KIT: variants seen among roughly 807,000 people sequenced by gnomAD.
KIT encodes KIT proto-oncogene, receptor tyrosine kinase.
A neutral mutation model predicts 105.7 loss-of-function variants in KIT; 16 were observed. The observed-to-expected ratio is 0.15, with a 90% confidence interval of 0.10 to 0.23. The LOEUF (loss-of-function observed/expected upper bound fraction) is 0.23. Among genes scored for constraint, KIT ranks in the 10% least tolerant of loss-of-function variants. The probability of loss-of-function intolerance (pLI) is 1.00; values close to 1 mark genes in which losing one functional copy is unlikely to be tolerated. For synonymous variants in KIT, 438 were observed against 441.1 expected (o/e 0.99, Z 0.09); for missense variants, 858 against 1,213.8 (o/e 0.71, Z 4.36).
chr4:54,707,757 G>T (rs1022354937), intron 6 of KIT, among the ~76,000 whole-genome samples: 10 of 152,180 alleles, frequency 6.6e-5, no homozygotes, highest in Non-Finnish European at 1.3e-4. Flanking sequence ...AGTAGCAATA[G>T]TAATACTTCA....
intron 1 of KIT, among the ~76,000 whole-genome samples, chr4:54,688,870 A>C (rs992099265): frequency 6.6e-6 from 1 of 152,206 alleles, no homozygotes; most frequent in African/African-American, 2.4e-5. Flanking sequence ...CAAAACTAGA[A>C]TAGGCCTAAT....
In KIT at chr4:54,703,738, G is replaced by T. The variant is rs753318751; in HGVS notation, c.771G>T (p.Glu257Asp). 1.2e-6 allele frequency: 2 copies of T among 1,613,604 alleles called. No individual in the cohort carries two copies. Among genetic ancestry groups the T allele is most frequent in the Non-Finnish European group, 1.7e-6 (2 of 1,179,688 alleles). Residue 257 changes from glutamate (E) to aspartate (D), a missense_variant, in exon 5 of 21, where the codon GAG (glutamate) becomes GAT (aspartate). Physicochemically the swap from Glu to Asp is conservative, Grantham distance 45. This residue lies in a region of KIT where 401 missense variants were observed against 601.0 expected (regional missense o/e 0.67). Coordinates refer to ENST00000288135, the MANE Select transcript of KIT (RefSeq NM_000222.3). ...KRENSQTKLQEKYNSWHHGDF... is the reference protein window; with the variant it reads ...KRENSQTKLQDKYNSWHHGDF... ...GAAACCAGCAGACTAAACTACAGGA[G>T]AAATATAATAGCTGGCATCACGGTG...
At chr4:54,691,733 G>A (rs537823900) in intron 1 of KIT, among the ~76,000 whole-genome samples, 1 of 152,042 alleles carries the variant, frequency 6.6e-6, no homozygotes, top group Non-Finnish European at 1.5e-5. Context: ...TTTGAGGGAG[G>A]ATGAGTTGGG....
At position 54,729,498 on chromosome 4, in the gene KIT, T is replaced by G. The variant is rs376060189; in HGVS notation, c.2141+13T>G. 3.8e-5 allele frequency: 62 copies of G among 1,612,266 alleles called. No homozygotes were observed. The highest frequency in any genetic ancestry group is 5.0e-5 in the Non-Finnish European group (59 of 1,179,232). ...AGGAGTCTTCCTGGTAAGACTGATT[T>G]ACATAAATAGTTAGCTGTTGACAGG... On this transcript the variant is annotated intron_variant, in intron 14 of 20. Transcript: ENST00000288135.
At chr4:54,726,749 A>G (rs1024815016) in intron 9 of KIT, among the ~76,000 whole-genome samples, 2 of 150,574 alleles carry the variant, frequency 1.3e-5, no homozygotes, top group African/African-American at 4.9e-5. Context: ...CATGTTTTTC[A>G]GACAGGGCAA....
intron 1 of KIT, among the ~76,000 whole-genome samples, chr4:54,662,039 CTA>C (rs1717311168): frequency 6.6e-6 from 1 of 152,198 alleles, no homozygotes; most frequent in Non-Finnish European, 1.5e-5. Context: ...ATTAAACAAT[CTA>C]GAGATTTTTT....
At chr4:54,730,582 T>G (rs1414831524) in intron 14 of KIT, among the ~76,000 whole-genome samples, 1 of 152,124 alleles carries the variant, frequency 6.6e-6, no homozygotes, top group African/African-American at 2.4e-5. Context: ...TATGAAGAAA[T>G]GAGCCATTTT....
At position 54,739,724 on chromosome 4, in the gene KIT, A is replaced by G. The variant is rs1384977243; in HGVS notation, c.*1167A>G. On this transcript the variant is annotated 3_prime_UTR_variant, in exon 21 of 21. Coordinates refer to ENST00000288135, the MANE Select transcript of KIT (RefSeq NM_000222.3). ...GAGGGGTATTTTTGCCCTGAGTCCA[A>G]GAGGGTCCTTTAGTACCTGAAAAGT... 8.6e-6 allele frequency: 2 copies of G among 233,508 alleles called. No homozygotes were observed. The highest frequency in any genetic ancestry group is 1.2e-4 in the East Asian group (2 of 16,596). The allele number at this position is 233,508 out of a possible 1,614,324, so 14.5% of individuals were successfully genotyped here. A position where few individuals can be genotyped will look rare whatever the true frequency, so the allele number is the denominator to read the frequency against.
chr4:54,684,983 A>G (rs987394641), intron 1 of KIT, among the ~76,000 whole-genome samples: 2 of 152,144 alleles, frequency 1.3e-5, no homozygotes, highest in Non-Finnish European at 1.5e-5. Context: ...CTGAGGTTCT[A>G]GTGTCCATCT....
chr4:54,706,373 T>C (rs558516807), intron 5 of KIT, among the ~76,000 whole-genome samples: 5 of 152,268 alleles, frequency 3.3e-5, no homozygotes, highest in Admixed American at 2.0e-4. Flanking sequence ...TGAAAAGTGA[T>C]GTCTTATTTT....
At chr4:54,707,613 G>A (rs183297184) in intron 6 of KIT, among the ~76,000 whole-genome samples, 5 of 152,224 alleles carry the variant, frequency 3.3e-5, no homozygotes, top group African/African-American at 4.8e-5. Context: ...CAGAGAAAAA[G>A]GGAAGTTAGT....
At chr4:54,736,468 A>C (rs1477600140) in intron 17 of KIT, 30 bp from the exon 18 acceptor site, 3 of 1,462,622 alleles carry the variant, frequency 2.1e-6, no homozygotes, top group Admixed American at 1.7e-5. Context: ...CTGAATTAAC[A>C]TTATTGACTC....
At position 54,737,264 on chromosome 4, in the gene KIT, C is replaced by G. The variant is rs1578008403; in HGVS notation, c.2786C>G (p.Ser929Ter). The G allele has an allele frequency of 6.2e-7, 1 of 1,611,118 alleles. No individual in the cohort carries two copies. Among genetic ancestry groups the G allele is most frequent in the East Asian group, 2.2e-5 (1 of 44,856 alleles). The change falls in exon 20 of 21, where the codon TCA becomes TGA. Residue 929 changes from serine to a stop codon, truncating the protein, a stop_gained. Coordinates refer to ENST00000288135, the MANE Select transcript of KIT (RefSeq NM_000222.3). LOFTEE classifies it high-confidence loss of function. The stretch of plus-strand genomic sequence containing the variant: ...GTTCAGCTAATTGAGAAGCAGATTT[C>G]AGAGAGCACCAATCATGTGAGTATA... ...QIVQLIEKQI[S>*]ESTNHIYSNL...
chr4:54,733,905 ATAT>A (rs1403073662), intron 17 of KIT, among the ~76,000 whole-genome samples: 5 of 152,122 alleles, frequency 3.3e-5, no homozygotes, highest in Admixed American at 2.0e-4. Context: ...GCCCTTTATA[ATAT>A]TCTCTGCCTG....
At chr4:54,704,681 A>T (rs1178539620) in intron 5 of KIT, among the ~76,000 whole-genome samples, 5 of 152,116 alleles carry the variant, frequency 3.3e-5, no homozygotes, top group Non-Finnish European at 7.4e-5. Flanking sequence ...TTTGTTTACA[A>T]TTTTTTTGTC....
At chr4:54,679,969 A>T (rs1181215631) in intron 1 of KIT, among the ~76,000 whole-genome samples, 1 of 152,194 alleles carries the variant, frequency 6.6e-6, no homozygotes, top group African/African-American at 2.4e-5. Context: ...AATGAAATTC[A>T]TCCAGACAGA....
At chr4:54,713,293 A>G (rs2109728803) in intron 7 of KIT, among the ~76,000 whole-genome samples, 1 of 151,710 alleles carries the variant, frequency 6.6e-6, no homozygotes, top group South Asian at 2.1e-4. Flanking sequence ...CCCAAAGTTC[A>G]TTCTGTCATT....
At chr4:54,718,299 C>T (rs1721629492) in intron 7 of KIT, among the ~76,000 whole-genome samples, 9 of 152,160 alleles carry the variant, frequency 5.9e-5, no homozygotes, top group Admixed American at 5.2e-4. Flanking sequence ...TGGGATTTCA[C>T]CATGTTGGCC....
At chr4:54,724,348 A>G (rs1250978720) in intron 8 of KIT, among the ~76,000 whole-genome samples, 1 of 152,206 alleles carries the variant, frequency 6.6e-6, no homozygotes. Flanking sequence ...GGTTAACATC[A>G]CAATTGAATA....
Sources: allele counts gnomAD v4.1 joint callset (sites outside exome capture counted in the v4.1 genomes callset), GRCh38; gene constraint gnomAD v4.1.1; regional missense constraint gnomAD v4.1.1; transcripts MANE v1.5; gene names NCBI Gene and HGNC (gene_info 2026-07-23, HGNC 2026-07-21).